The following ZNF667 variants were observed in gnomAD, a reference collection of about 807,000 sequenced individuals.
ZNF667 encodes the protein zinc finger protein 667.
In ZNF667, 13 loss-of-function variants were observed where a neutral mutation model predicts 31.8. That is an observed-to-expected ratio of 0.41 (90% CI 0.27 to 0.65). The LOEUF is 0.65. Among genes scored for constraint, ZNF667 ranks in the 30% least tolerant of loss-of-function variants. ZNF667 has a pLI of 0.32. For synonymous variants in ZNF667, 228 were observed against 247.1 expected, an observed-to-expected ratio of 0.92 and a Z score of 0.73; for missense variants, 642 against 725.6, an observed-to-expected ratio of 0.88 and a Z score of 1.32.
At chr19:56,458,029 T>C in intron 6 of ZNF667, 126 bp downstream of exon 6, 2 of 850,012 alleles carry the variant, frequency 2.4e-6, no homozygotes, top group Non-Finnish European at 1.9e-6. Context: ...GCATTGATCT[T>C]GGACTTCTCA....
chr19:56,460,371 G>C (rs1340766325), intron 5 of ZNF667, among the ~76,000 whole-genome samples: 1 of 152,150 alleles, frequency 6.6e-6, no homozygotes, highest in Non-Finnish European at 1.5e-5. Flanking sequence ...GATAGAAAGT[G>C]GACTAGTAGT....
chr19:56,446,547 C>A lies in ZNF667; in HGVS notation c.254-3806G>T, dbSNP rs187411357. Among the ~76,000 whole-genome samples, 6 of 152,302 alleles carry A rather than the reference C, an allele frequency of 3.9e-5. No homozygotes were observed. The East Asian group carries it at 1.2e-3, about 29-fold the overall frequency. The stretch of plus-strand genomic sequence containing the variant: ...CCCCTGCTGGGTATGTTATGCCACA[C>A]ATAGTATATGACCTGTTCACCTTTC... On this transcript the variant is annotated intron_variant, in intron 6 of 6. Coordinates refer to ENST00000504904, the MANE Select transcript of ZNF667 (RefSeq NM_001321356.2).
chr19:56,442,784 T>G (rs761454572), intron 6 of ZNF667, 43 bp from the exon 7 acceptor site: 12 of 1,484,614 alleles, frequency 8.1e-6, no homozygotes, highest in Non-Finnish European at 1.1e-5. Context: ...TTTTCCATGC[T>G]GAAAAAATGA....
At chr19:56,474,384 C>G (rs900750677) in intron 1 of ZNF667, 2 of 152,290 alleles carry the variant, frequency 1.3e-5, no homozygotes, top group Non-Finnish European at 2.9e-5. Flanking sequence ...CTGGCCTGAA[C>G]CTGCCAGCCC....
intron 6 of ZNF667, among the ~76,000 whole-genome samples, chr19:56,457,113 C>T (rs2147758209): frequency 6.6e-6 from 1 of 152,174 alleles, no homozygotes; most frequent in African/African-American, 2.4e-5. Context: ...TCAATGAATG[C>T]TACTTAAAGA....
In ZNF667 at chr19:56,442,246, CCAA is replaced by C. The variant is rs758283354; in HGVS notation, c.746_748del (p.Val249del). On this transcript the variant is annotated inframe_deletion, in exon 7 of 7. Transcript: ENST00000504904. Reference sequence around the variant, plus strand: ...GCACTTTCTGCACTGGCAGACATTCCCAACAACATGAATTTTCTGATGTATATT... The same window carrying C: ...GCACTTTCTGCACTGGCAGACATTCCCAACATGAATTTTCTGATGTATATT... 17 of 1,614,096 alleles carry C rather than the reference CCAA, an allele frequency of 1.1e-5. No homozygotes were observed. The highest frequency in any genetic ancestry group is 1.6e-4 in the Middle Eastern group (1 of 6,062).
intron 6 of ZNF667, among the ~76,000 whole-genome samples, chr19:56,446,435 G>C (rs376490154): frequency 3.5e-4 from 53 of 152,178 alleles, no homozygotes; most frequent in African/African-American, 1.3e-3. Flanking sequence ...AATGCAATGA[G>C]GCTATTCATA....
intron 3 of ZNF667, among the ~76,000 whole-genome samples, chr19:56,470,736 G>A (rs1385801854): frequency 6.6e-6 from 1 of 152,144 alleles, no homozygotes; most frequent in South Asian, 2.1e-4. Context: ...AGACTGAGGA[G>A]CGAGGGCTCG....
chr19:56,468,461 TTCGAGTTG>T (rs2043213807), intron 3 of ZNF667: 1 of 152,274 alleles, frequency 6.6e-6, no homozygotes, highest in South Asian at 2.1e-4. Flanking sequence ...GGGCCCTTGC[TTCGAGTTG>T]TCCCACCTTT....
At chr19:56,455,974 T>A (rs185875568) in intron 6 of ZNF667, among the ~76,000 whole-genome samples, 21 of 152,232 alleles carry the variant, frequency 1.4e-4, no homozygotes, top group Admixed American at 5.2e-4. Flanking sequence ...TTCTACTGCA[T>A]CTCCCGGACA....
intron 6 of ZNF667, chr19:56,444,174 T>C (rs182850525): frequency 2.0e-5 from 8 of 398,488 alleles, no homozygotes; most frequent in Admixed American, 4.4e-5. Flanking sequence ...AATAAATACT[T>C]GAGTGGGTAA....
At chr19:56,454,700 C>T (rs181637198) in intron 6 of ZNF667, among the ~76,000 whole-genome samples, 24 of 150,746 alleles carry the variant, frequency 1.6e-4, no homozygotes, top group African/African-American at 5.1e-4. Flanking sequence ...GACAAATCTA[C>T]GACCTAAAAC....
chr19:56,442,636 G>A lies in ZNF667; in HGVS notation c.359C>T (p.Thr120Ile), dbSNP rs781561924. ...KLVSAQQKAP[T>I]RKSGCNKNSV... ...ATTTTTGTTGCAGCCACTCTTTCGT[G>A]TAGGAGCTTTTTGTTGTGCAGAAAC... The change falls in exon 7 of 7, where the codon ACA (threonine) becomes ATA (isoleucine). Residue 120 changes from threonine (T) to isoleucine (I), a missense_variant. Coordinates refer to ENST00000504904, the MANE Select transcript of ZNF667 (RefSeq NM_001321356.2). The A allele has an allele frequency of 1.7e-5, 28 of 1,613,798 alleles. No homozygotes were observed. The Admixed American group carries it at 4.0e-4, about 23-fold the overall frequency.
chr19:56,453,819 A>G (rs1282005648), intron 6 of ZNF667, among the ~76,000 whole-genome samples: 2 of 152,216 alleles, frequency 1.3e-5, no homozygotes, highest in African/African-American at 2.4e-5. Flanking sequence ...TACATTCAAC[A>G]TAGCACTGGA....
chr19:56,450,098 A>G (rs538152342), intron 6 of ZNF667, among the ~76,000 whole-genome samples: 3 of 152,110 alleles, frequency 2.0e-5, no homozygotes, highest in Non-Finnish European at 4.4e-5. Flanking sequence ...CTGGAGAAAG[A>G]TGTCAAAATT....
Position 56,442,437 on chromosome 19 carries a change from G to A in ZNF667, c.558C>T (p.Ser186=), listed in dbSNP as rs1300343309. The change falls in exon 7 of 7, where the codon TCC becomes TCT. Residue 186 remains serine (S), a synonymous_variant. Coordinates refer to ENST00000504904, the MANE Select transcript of ZNF667 (RefSeq NM_001321356.2). ...TGTGAATTCTCTGATGAAGTAGGAT[G>A]GATGAGATCTGTCTGAAAGCTTTTC... The part of the protein sequence containing the change: ...NCRKAFRQIS[S]ILLHQRIHSG... 3.7e-6 allele frequency: 6 copies of A among 1,614,090 alleles called. No homozygotes were observed. The highest frequency in any genetic ancestry group is 5.1e-6 in the Non-Finnish European group (6 of 1,180,000).
intron 3 of ZNF667, chr19:56,467,871 T>C (rs529279743): frequency 2.4e-4 from 36 of 152,378 alleles, no homozygotes; most frequent in African/African-American, 8.7e-4. Flanking sequence ...TGTTCAGCTA[T>C]CCAGAAGCTC....
intron 3 of ZNF667, among the ~76,000 whole-genome samples, chr19:56,463,070 T>A (rs994284613): frequency 6.7e-6 from 1 of 150,144 alleles, no homozygotes; most frequent in African/African-American, 2.5e-5. Flanking sequence ...TGAGGCAGAG[T>A]GAGTGCAGCG....
At chr19:56,444,500 TGAAA>T (rs2042684715) in intron 6 of ZNF667, among the ~76,000 whole-genome samples, 1 of 146,514 alleles carries the variant, frequency 6.8e-6, no homozygotes. Context: ...ACACTGAGGA[TGAAA>T]TTTCAACATG....
Sources: allele counts gnomAD v4.1 joint callset (sites outside exome capture counted in the v4.1 genomes callset), GRCh38; gene constraint gnomAD v4.1.1; transcripts MANE v1.5; gene names NCBI Gene and HGNC (gene_info 2026-07-23, HGNC 2026-07-21).